RELT: variants seen among roughly 807,000 people sequenced by gnomAD.
RELT encodes the protein RELT TNF receptor, also known as tumor necrosis factor receptor superfamily member 19L.
In RELT, 37 loss-of-function variants were observed where a neutral mutation model predicts 51.1. That is an observed-to-expected ratio of 0.72 (90% confidence interval 0.56 to 0.95). RELT has a LOEUF of 0.95. Among genes scored for constraint, RELT ranks in the 40% least tolerant of loss-of-function variants. The pLI is 0.00. For missense variants in RELT, 535 were observed against 572.6 expected (o/e 0.93, Z 0.67); for synonymous variants, 241 against 235.7 (o/e 1.02, Z -0.21).
At position 73,393,824 on chromosome 11, in the gene RELT, T is replaced by TTC. The variant is rs1211332059; in HGVS notation, c.626-9_626-8dup. The TTC allele has an allele frequency of 6.2e-7, 1 of 1,613,464 alleles. No homozygotes were observed. Among genetic ancestry groups the TTC allele is most frequent in the Non-Finnish European group, 8.5e-7 (1 of 1,179,450 alleles). On this transcript the variant is annotated splice_polypyrimidine_tract_variant and intron_variant, in intron 6 of 10. Coordinates refer to ENST00000064780, the MANE Select transcript of RELT (RefSeq NM_152222.2). The stretch of plus-strand genomic sequence containing the variant: ...CCCCTCTTCCCCAGGATCAGGGCCC[T>TTC]TCTCTTCCCCAGGAATCAACCCTGC...
In RELT at chr11:73,394,074, C is replaced by A; in HGVS notation, c.706+157C>A. The A allele has an allele frequency of 2.1e-6, 2 of 935,374 alleles. No individual in the cohort carries two copies. Among genetic ancestry groups the A allele is most frequent in the Non-Finnish European group, 1.7e-6 (1 of 597,486 alleles). 57.9% of individuals were successfully genotyped at this position (935,374 alleles called of 1,614,324 possible). ...GTGCTCTCTGACCCAGGAGTGCACA[C>A]CTCTGCCTCCCATTCTTGCCTGATG... On this transcript the variant is annotated intron_variant, in intron 7 of 10. Transcript: ENST00000064780. The surrounding 1 kb of genome is among the most constrained non-coding windows in gnomAD (Gnocchi z 4.9).
intron 6 of RELT, 66 bp from the exon 7 acceptor site, chr11:73,393,771 T>G: frequency 6.3e-7 from 1 of 1,584,278 alleles, no homozygotes; most frequent in Non-Finnish European, 8.7e-7. Flanking sequence ...TGCTGGCAGA[T>G]CATGGTTTAG....
At chr11:73,385,456 C>T (rs954709054) in intron 1 of RELT, among the ~76,000 whole-genome samples, 1 of 152,176 alleles carries the variant, frequency 6.6e-6, no homozygotes, top group Admixed American at 6.5e-5. Flanking sequence ...TTCTGGTTCT[C>T]ATTGTTCGGG....
At chr11:73,393,670 C>G in intron 6 of RELT, 167 bp from the exon 7 acceptor site, 1 of 1,582,320 alleles carries the variant, frequency 6.3e-7, no homozygotes, top group South Asian at 1.1e-5. Flanking sequence ...ATGGGCTTCT[C>G]TGAGCCTGGA....
intron 6 of RELT, 118 bp from the exon 7 acceptor site, chr11:73,393,719 A>T: frequency 6.4e-7 from 1 of 1,566,838 alleles, no homozygotes; most frequent in Non-Finnish European, 8.8e-7. Context: ...TGTCACCTAA[A>T]TGCACATGCT....
At chr11:73,392,827 T>G in intron 6 of RELT, 3 of 1,161,962 alleles carry the variant, frequency 2.6e-6, no homozygotes, top group East Asian at 5.1e-5. Flanking sequence ...TGGCCTGGAG[T>G]AGCAGGAGTG....
At chr11:73,391,776 TA>T (rs1474746387) in intron 5 of RELT, among the ~76,000 whole-genome samples, 1 of 151,900 alleles carries the variant, frequency 6.6e-6, no homozygotes, top group Admixed American at 6.6e-5. Context: ...AGACCCTGCC[TA>T]AAAAAACCCA....
intron 1 of RELT, among the ~76,000 whole-genome samples, chr11:73,385,464 G>A (rs193110468): frequency 1.3e-5 from 2 of 152,220 alleles, no homozygotes; most frequent in Admixed American, 1.3e-4. Context: ...CTCATTGTTC[G>A]GGCATTTTTT....
intron 1 of RELT, among the ~76,000 whole-genome samples, chr11:73,384,903 C>T (rs1427856923): frequency 1.3e-5 from 2 of 152,024 alleles, no homozygotes; most frequent in South Asian, 4.2e-4. Context: ...GAAGTGACTT[C>T]GAGCTGAGCT....
In RELT at chr11:73,390,910, C is replaced by T. The variant is rs571843181; in HGVS notation, c.276C>T (p.Asp92=). The change falls in exon 4 of 11, where the codon GAC becomes GAT. Residue 92 remains aspartate, a synonymous_variant. Transcript: ENST00000064780. ...CAACTCGAGATACACTCTGTGGAGACTGCTGGCCTGGGTAAGCCAAAGGGA... is the reference window on the plus strand; with the variant it reads ...CAACTCGAGATACACTCTGTGGAGATTGCTGGCCTGGGTAAGCCAAAGGGA... ...GMATRDTLCG[D]CWPGWFGPWG... 1 of 1,612,776 alleles carries T rather than the reference C, an allele frequency of 6.2e-7. No individual in the cohort carries two copies. Among genetic ancestry groups the T allele is most frequent in the South Asian group, 1.1e-5 (1 of 90,928 alleles).
At chr11:73,390,241 C>T (rs1051183792) in intron 2 of RELT, among the ~76,000 whole-genome samples, 3 of 152,144 alleles carry the variant, frequency 2.0e-5, no homozygotes, top group Admixed American at 6.5e-5. Context: ...GGAAGCATTT[C>T]CTCCTCATCG....
Position 73,394,271 on chromosome 11 carries a change from T to C in RELT, c.742T>C (p.Tyr248His). 6.2e-7 allele frequency: 1 copy of C among 1,611,186 alleles called. No homozygotes were observed. Among genetic ancestry groups the C allele is most frequent in the Non-Finnish European group, 8.5e-7 (1 of 1,179,356 alleles). Residue 248 changes from tyrosine (Y) to histidine (H), a missense_variant, in exon 8 of 11, where the codon TAC becomes CAC. By Grantham distance (83) the Tyr-to-His change is moderately conservative. Transcript: ENST00000064780. This position sits in a 1 kb window ranked among gnomAD's most constrained non-coding sequence, Gnocchi z 4.9. ...GGCCCTGGAGGAGCTGCTGAAAGAG[T>C]ACCACAGCAAACAGCTGGTGCAGAC... ...AAALEELLKEYHSKQLVQTSH... is the reference protein window; with the variant it reads ...AAALEELLKEHHSKQLVQTSH...
chr11:73,395,364 G>A (rs981158331), intron 10 of RELT, 79 bp downstream of exon 10: 274 of 1,523,386 alleles, frequency 1.8e-4, no homozygotes, highest in African/African-American at 4.1e-5. Flanking sequence ...GAAGTGCAGC[G>A]GGCCCTAGGC....
At chr11:73,393,117 C>G in intron 6 of RELT, 3 of 998,048 alleles carry the variant, frequency 3.0e-6, no homozygotes, top group Non-Finnish European at 3.6e-6. Flanking sequence ...ATGCTAGCAC[C>G]CTCGGCTGTC....
rs773271768 is a variant in RELT at position 73,390,809 on chromosome 11, G to A, written c.175G>A (p.Ala59Thr). ...RPCPPGTFSA[A>T]WGSSPCQPHA... ...CTGCCCCCCAGGCACCTTCTCAGCTGCATGGGGCTCCAGCCCATGCCAGCC... is the reference window on the plus strand; with the variant it reads ...CTGCCCCCCAGGCACCTTCTCAGCTACATGGGGCTCCAGCCCATGCCAGCC... Residue 59 changes from alanine (A) to threonine (T), a missense_variant, in exon 4 of 11, where the codon GCA becomes ACA. Transcript: ENST00000064780. 2 of 1,612,114 alleles carry A rather than the reference G, an allele frequency of 1.2e-6. No individual in the cohort carries two copies. Among genetic ancestry groups the A allele is most frequent in the East Asian group, 4.5e-5 (2 of 44,842 alleles).
chr11:73,390,102 G>T (rs1023134060), intron 2 of RELT, among the ~76,000 whole-genome samples: 1 of 152,174 alleles, frequency 6.6e-6, no homozygotes, highest in African/African-American at 2.4e-5. Flanking sequence ...GCCCAGAATA[G>T]GAAGCGCCAC....
At chr11:73,383,227 C>A (rs1304238734) in intron 1 of RELT, among the ~76,000 whole-genome samples, 2 of 152,198 alleles carry the variant, frequency 1.3e-5, no homozygotes, top group African/African-American at 4.8e-5. Flanking sequence ...GCACCTGTCT[C>A]ACTGAGTGGC....
At chr11:73,379,889 T>C (rs1231124593) in intron 1 of RELT, among the ~76,000 whole-genome samples, 1 of 152,248 alleles carries the variant, frequency 6.6e-6, no homozygotes. Context: ...TTCCAAGGCC[T>C]TTCAGAATTT....
intron 4 of RELT, 98 bp from the exon 5 acceptor site, chr11:73,391,046 G>A (rs1866205784): frequency 6.6e-7 from 1 of 1,521,540 alleles, no homozygotes; most frequent in African/African-American, 1.4e-5. Context: ...GGATGGGGCA[G>A]GACCACGGAG....
Sources: gnomAD v4.1 joint callset for allele counts (sites outside exome capture counted in the v4.1 genomes callset) on GRCh38, gnomAD v4.1.1 for gene constraint, Gnocchi (gnomAD v3.1) non-coding constraint, MANE v1.5 for transcripts, NCBI Gene and HGNC (gene_info 2026-07-23, HGNC 2026-07-21) for gene names.